The following INTS15 variants were observed in gnomAD, a reference collection of about 807,000 sequenced individuals.
INTS15 encodes integrator complex subunit 15, also known as uncharacterized protein C7orf26.
the INTS15 span, among the ~76,000 whole-genome samples, chr7:6,605,514 A>G: frequency 6.6e-6 from 1 of 152,158 alleles, no homozygotes; most frequent in African/African-American, 2.4e-5. Context: ...GGTCCACATT[A>G]GAGCCCCCCA....
the INTS15 span, among the ~76,000 whole-genome samples, chr7:6,598,785 G>GTGTGTGTGTGTGTGTGTGTGT: frequency 4.6e-5 from 4 of 86,566 alleles, no homozygotes; most frequent in East Asian, 2.7e-4. Flanking sequence ...GTGTGTGTGT[G>GTGTGTGTGTGTGTGTGTGTGT]TATTTTTTTT....
chr7:6,601,652 TTTTC>T, the INTS15 span, among the ~76,000 whole-genome samples: 51 of 150,438 alleles, frequency 3.4e-4, no homozygotes, highest in African/African-American at 1.2e-3. Flanking sequence ...GATTCTTCTT[TTTTC>T]TTTCTTTTTT....
At chr7:6,607,970 C>T in the INTS15 span, 1 of 1,599,950 alleles carries the variant, frequency 6.3e-7, no homozygotes, top group Non-Finnish European at 8.5e-7. This position sits in a 1 kb window ranked among gnomAD's most constrained non-coding sequence, Gnocchi z 6.0. Flanking sequence ...CCTCCTCCAG[C>T]TGGTGATCTC....
At chr7:6,608,192 C>A in the INTS15 span, 1 of 1,539,240 alleles carries the variant, frequency 6.5e-7, no homozygotes, top group African/African-American at 1.4e-5. Flanking sequence ...TGCGCTCTCG[C>A]TGGACGAAGC....
chr7:6,599,600 G>C, the INTS15 span, among the ~76,000 whole-genome samples: 17 of 152,190 alleles, frequency 1.1e-4, no homozygotes, highest in African/African-American at 4.1e-4. Flanking sequence ...CCTCTCCCTT[G>C]CTCCAGGGTC....
chr7:6,601,181 G>A, the INTS15 span, among the ~76,000 whole-genome samples: 1 of 152,154 alleles, frequency 6.6e-6, no homozygotes, highest in Non-Finnish European at 1.5e-5. Flanking sequence ...ATCTTGTCCA[G>A]GCTGGTTTCA....
At chr7:6,600,412 A>G in the INTS15 span, 1 of 1,518,436 alleles carries the variant, frequency 6.6e-7, no homozygotes, top group Non-Finnish European at 8.9e-7. Flanking sequence ...GCCCTGCAGA[A>G]GGAAGGAGGG....
chr7:6,608,090 C>G, the INTS15 span: 1 of 1,575,214 alleles, frequency 6.3e-7, no homozygotes, highest in African/African-American at 1.3e-5. Flanking sequence ...CGCCGCCCAC[C>G]CCGCCCTGCC....
At chr7:6,606,541 A>T in the INTS15 span, among the ~76,000 whole-genome samples, 1 of 152,080 alleles carries the variant, frequency 6.6e-6, no homozygotes, top group Non-Finnish European at 1.5e-5. Flanking sequence ...CGCTGCAGAC[A>T]CAGGACCCAG....
chr7:6,607,696 T>G, the INTS15 span: 1 of 1,524,436 alleles, frequency 6.6e-7, no homozygotes, highest in African/African-American at 1.4e-5. This position sits in a 1 kb window ranked among gnomAD's most constrained non-coding sequence, Gnocchi z 6.0. Context: ...GGAGGCCACC[T>G]GTGTGGGCTG....
At chr7:6,604,809 C>G in the INTS15 span, among the ~76,000 whole-genome samples, 1 of 152,176 alleles carries the variant, frequency 6.6e-6, no homozygotes, top group Non-Finnish European at 1.5e-5. Flanking sequence ...CTGCCAGGTT[C>G]TGCAAGGGAG....
At chr7:6,590,626 C>T in the INTS15 span, 5 of 1,382,096 alleles carry the variant, frequency 3.6e-6, no homozygotes, top group Non-Finnish European at 4.7e-6. Flanking sequence ...GCCCCCAAAC[C>T]CTTCTCCGGG....
the INTS15 span, chr7:6,602,085 A>G: frequency 1.9e-6 from 3 of 1,611,696 alleles, no homozygotes; most frequent in Non-Finnish European, 1.7e-6. Context: ...TTAATCTTGT[A>G]TCTCCTTAAT....
At chr7:6,608,587 G>A in the INTS15 span, 1 of 1,007,724 alleles carries the variant, frequency 9.9e-7, no homozygotes, top group Non-Finnish European at 1.2e-6. Context: ...CCCAGGCTGC[G>A]TAGTGACCAC....
the INTS15 span, chr7:6,590,481 G>T: frequency 6.4e-7 from 1 of 1,568,142 alleles, no homozygotes; most frequent in East Asian, 2.4e-5. Flanking sequence ...CCAAGGTGCG[G>T]CCTGAGACGG....
the INTS15 span, chr7:6,591,593 A>G: frequency 1.2e-3 from 1,813 of 1,516,606 alleles, 20 homozygotes; most frequent in African/African-American, 0.02. Context: ...GTATGAGTTA[A>G]TAAGTACGTT....
chr7:6,601,693 G>A, the INTS15 span, among the ~76,000 whole-genome samples: 1 of 138,618 alleles, frequency 7.2e-6, no homozygotes, highest in African/African-American at 2.7e-5. Context: ...GTCTCACTCT[G>A]TTGCCCAGTC....
the INTS15 span, chr7:6,590,601 C>G: frequency 2.2e-6 from 3 of 1,394,680 alleles, no homozygotes; most frequent in East Asian, 5.7e-5. Context: ...CGCGCTCGGC[C>G]TCGCTCCTGC....
the INTS15 span, among the ~76,000 whole-genome samples, chr7:6,593,426 G>T: frequency 6.7e-6 from 1 of 150,142 alleles, no homozygotes; most frequent in Non-Finnish European, 1.5e-5. Context: ...TGCCTCCCAG[G>T]TTCACCCTAG....
Sources: gnomAD v4.1 joint callset for allele counts (sites outside exome capture counted in the v4.1 genomes callset) on GRCh38, gnomAD v4.1.1 for gene constraint, Gnocchi (gnomAD v3.1) non-coding constraint, MANE v1.5 for transcripts, NCBI Gene and HGNC (gene_info 2026-07-23, HGNC 2026-07-21) for gene names.